The following CCDC148 variants were observed in gnomAD, a reference collection of about 807,000 sequenced individuals.
CCDC148 encodes the protein coiled-coil domain containing 148, also known as coiled-coil domain-containing protein 148.
CCDC148 carries 89 observed loss-of-function variants against 85.7 expected under a neutral mutation model. That is an observed-to-expected ratio of 1.04 (90% confidence interval 0.87 to 1.24). The LOEUF is 1.24. CCDC148 is among the 50% of genes most tolerant of loss of function. The probability of loss-of-function intolerance (pLI) is 0.00; values close to 1 mark genes in which losing one functional copy is unlikely to be tolerated. For missense variants in CCDC148, 692 were observed against 671.7 expected, an observed-to-expected ratio of 1.03 and a Z score of -0.33; for synonymous variants, 230 against 213.9, an observed-to-expected ratio of 1.08 and a Z score of -0.66.
At chr2:158,318,776 G>T (rs13404932) in intron 7 of CCDC148, among the ~76,000 whole-genome samples, 8,026 of 77,624 alleles carry the variant, frequency 0.1, 387 homozygotes, top group African/African-American at 0.26. Context: ...GCCTTTTACT[G>T]TTTTTTTTTT....
At chr2:158,387,066 G>A (rs1685115821) in intron 1 of CCDC148, among the ~76,000 whole-genome samples, 1 of 152,076 alleles carries the variant, frequency 6.6e-6, no homozygotes, top group African/African-American at 2.4e-5. Context: ...TTCTTTGAAT[G>A]TTTCCTTTCT....
chr2:158,240,885 A>G (rs1213309495), intron 10 of CCDC148, among the ~76,000 whole-genome samples: 1 of 152,226 alleles, frequency 6.6e-6, no homozygotes, highest in Non-Finnish European at 1.5e-5. Flanking sequence ...TAGGGCAAAA[A>G]GTCTATACTC....
chr2:158,194,910 G>C (rs1176607047), intron 11 of CCDC148, among the ~76,000 whole-genome samples: 1 of 151,656 alleles, frequency 6.6e-6, no homozygotes, highest in Non-Finnish European at 1.5e-5. Context: ...ACACTTTTTT[G>C]GTTCCTGCCA....
intron 1 of CCDC148, among the ~76,000 whole-genome samples, chr2:158,435,235 G>T (rs891745809): frequency 6.6e-6 from 1 of 152,114 alleles, no homozygotes; most frequent in East Asian, 1.9e-4. Flanking sequence ...GAGAAAGGTT[G>T]GGTTACCCAC....
At chr2:158,177,633 T>C (rs1264679538) in intron 12 of CCDC148, among the ~76,000 whole-genome samples, 1 of 152,188 alleles carries the variant, frequency 6.6e-6, no homozygotes, top group African/African-American at 2.4e-5. Flanking sequence ...TTAAGTCTTG[T>C]ACCCAGAAGG....
intron 1 of CCDC148, among the ~76,000 whole-genome samples, chr2:158,455,475 G>A (rs147330140): frequency 6.5e-4 from 99 of 152,174 alleles, no homozygotes; most frequent in African/African-American, 2.3e-3. Context: ...ATAAAAACCA[G>A]TAGCAAAGCA....
At chr2:158,439,932 C>G (rs75431413) in intron 1 of CCDC148, among the ~76,000 whole-genome samples, 84 of 152,258 alleles carry the variant, frequency 5.5e-4, no homozygotes, top group Middle Eastern at 6.8e-3. Flanking sequence ...GCAATTATGG[C>G]TCAATGTAGC....
At chr2:158,262,034 C>A (rs1261950552) in intron 9 of CCDC148, among the ~76,000 whole-genome samples, 1 of 151,936 alleles carries the variant, frequency 6.6e-6, no homozygotes, top group African/African-American at 2.4e-5. Flanking sequence ...GAATATAAAT[C>A]ATTCCACCAT....
At chr2:158,424,041 G>A (rs897894693) in intron 1 of CCDC148, among the ~76,000 whole-genome samples, 1 of 152,162 alleles carries the variant, frequency 6.6e-6, no homozygotes, top group South Asian at 2.1e-4. Context: ...CAGTTAGAAT[G>A]GTGATCATTA....
At chr2:158,418,892 C>T (rs573948666) in intron 1 of CCDC148, among the ~76,000 whole-genome samples, 5 of 152,138 alleles carry the variant, frequency 3.3e-5, no homozygotes, top group East Asian at 1.9e-4. Flanking sequence ...TCATTACGTG[C>T]GTGCTAACAG....
chr2:158,411,479 CTT>C (rs1036577783), intron 1 of CCDC148, among the ~76,000 whole-genome samples: 2 of 151,968 alleles, frequency 1.3e-5, no homozygotes, highest in African/African-American at 4.8e-5. Flanking sequence ...TATAGAAACT[CTT>C]TATTGCATTT....
intron 11 of CCDC148, among the ~76,000 whole-genome samples, chr2:158,190,124 T>C (rs1386777989): frequency 2.6e-5 from 4 of 151,910 alleles, no homozygotes; most frequent in Non-Finnish European, 5.9e-5. Context: ...AGAAATTGAA[T>C]TACTGGAGAA....
intron 11 of CCDC148, among the ~76,000 whole-genome samples, chr2:158,211,465 ATTG>A (rs1458107454): frequency 1.3e-5 from 2 of 152,222 alleles, no homozygotes; most frequent in African/African-American, 4.8e-5. Flanking sequence ...AGTATTTCTG[ATTG>A]TTGTCTGACC....
At chr2:158,295,019 T>C (rs375745473) in intron 9 of CCDC148, among the ~76,000 whole-genome samples, 2 of 152,166 alleles carry the variant, frequency 1.3e-5, no homozygotes, top group South Asian at 4.1e-4. Flanking sequence ...ATTAGTGGTA[T>C]TGAACATCTT....
chr2:158,214,189 T>A (rs539186621), intron 11 of CCDC148, among the ~76,000 whole-genome samples: 2 of 151,156 alleles, frequency 1.3e-5, no homozygotes, highest in South Asian at 4.2e-4. Flanking sequence ...TGTCATTTGT[T>A]ACCCAAGAAA....
intron 3 of CCDC148, among the ~76,000 whole-genome samples, chr2:158,341,216 G>A (rs1046876627): frequency 3.3e-5 from 5 of 151,600 alleles, no homozygotes; most frequent in Admixed American, 6.6e-5. Flanking sequence ...GTATGTGTAC[G>A]TACATATGTA....
chr2:158,396,150 A>C (rs543240441), intron 1 of CCDC148, among the ~76,000 whole-genome samples: 1 of 152,094 alleles, frequency 6.6e-6, no homozygotes, highest in African/African-American at 2.4e-5. Context: ...CCCAGACATA[A>C]TTATTTTAAC....
intron 9 of CCDC148, among the ~76,000 whole-genome samples, chr2:158,262,986 G>A (rs1280232940): frequency 3.3e-5 from 5 of 152,060 alleles, no homozygotes; most frequent in Admixed American, 6.6e-5. Flanking sequence ...ACGTGATTAC[G>A]TGATTTCAAT....
chr2:158,240,452 T>TCACACACA lies in CCDC148; in HGVS notation c.1251+10312_1251+10319dup, dbSNP rs4028276. ...CTCTCTCTTTCTCTCTCTCTCTCTC[T>TCACACACA]CACACACACACACACACACACACAC... On this transcript the variant is annotated intron_variant, in intron 10 of 13. Coordinates refer to ENST00000283233, the MANE Select transcript of CCDC148 (RefSeq NM_138803.4). Among the ~76,000 whole-genome samples the TCACACACA allele has an allele frequency of 5.4e-3, 648 of 120,496 alleles. 11 individuals are homozygous for TCACACACA. The highest frequency in any genetic ancestry group is 0.018 in the African/African-American group (582 of 32,590). The allele number at this position is 120,496 out of a possible 152,430, so 79.1% of individuals were successfully genotyped here.
Sources: allele counts gnomAD v4.1 joint callset (sites outside exome capture counted in the v4.1 genomes callset), GRCh38; gene constraint gnomAD v4.1.1; transcripts MANE v1.5; gene names NCBI Gene and HGNC (gene_info 2026-07-23, HGNC 2026-07-21).